Variants in AOAH observed in about 807,000 individuals in gnomAD.
AOAH encodes acyloxyacyl hydrolase.
In AOAH, 64 loss-of-function variants were observed where a neutral mutation model predicts 92.2. The ratio of observed to expected loss-of-function variants is 0.69; its 90% CI spans 0.57 to 0.86. AOAH has a LOEUF of 0.86. Among genes scored for constraint, AOAH ranks in the 40% least tolerant of loss-of-function variants. The probability of loss-of-function intolerance (pLI) is 0.00; values close to 1 mark genes in which losing one functional copy is unlikely to be tolerated. For missense variants in AOAH, 656 were observed against 694.6 expected (o/e 0.94, Z 0.62); for synonymous variants, 263 against 254.5 (o/e 1.03, Z -0.32).
At chr7:36,672,126 C>G (rs1409172516) in intron 3 of AOAH, among the ~76,000 whole-genome samples, 2 of 152,064 alleles carry the variant, frequency 1.3e-5, no homozygotes, top group Non-Finnish European at 2.9e-5. Flanking sequence ...AAACACAGCC[C>G]AGGGGTTATG....
intron 19 of AOAH, among the ~76,000 whole-genome samples, chr7:36,526,414 G>A (rs12701506): frequency 0.79 from 119,963 of 152,172 alleles, 52,335 homozygotes; most frequent in East Asian, 1. Context: ...ATGTCAAAGG[G>A]AAGATCCTTT....
chr7:36,528,751 A>C (rs1478877347), intron 19 of AOAH, among the ~76,000 whole-genome samples: 2 of 152,122 alleles, frequency 1.3e-5, no homozygotes, highest in Non-Finnish European at 2.9e-5. Flanking sequence ...ATGCACCACC[A>C]TGCCTGGCTA....
At chr7:36,561,390 G>A (rs1192534256) in intron 13 of AOAH, among the ~76,000 whole-genome samples, 1 of 152,164 alleles carries the variant, frequency 6.6e-6, no homozygotes, top group African/African-American at 2.4e-5. Context: ...CTCGAAAACA[G>A]GAAAAGCCAA....
chr7:36,540,333 C>T lies in AOAH; in HGVS notation c.1292G>A (p.Arg431Lys), dbSNP rs140099559. 1,734 of 1,612,732 alleles carry T rather than the reference C, an allele frequency of 1.1e-3. 2 individuals carry two copies. The highest frequency in any genetic ancestry group is 7.9e-3 in the Middle Eastern group (48 of 6,060). ...CAAACTGATACCGAGAGGATGATATCTGTTGTGCAAATTATCCCAGAGAAA... is the reference window on the plus strand; with the variant it reads ...CAAACTGATACCGAGAGGATGATATTTGTTGTGCAAATTATCCCAGAGAAA... The part of the protein sequence containing the change: ...GTFLWDNLHN[R>K]YHPLGQLNKD... The change falls in exon 16 of 21, where the codon AGA becomes AAA. Residue 431 changes from arginine (R) to lysine (K), a missense_variant. By Grantham distance (26) the Arg-to-Lys change is conservative. Coordinates refer to ENST00000617537, the MANE Select transcript of AOAH (RefSeq NM_001637.4).
chr7:36,709,868 A>G (rs1798651757), intron 1 of AOAH, among the ~76,000 whole-genome samples: 1 of 152,112 alleles, frequency 6.6e-6, no homozygotes, highest in South Asian at 2.1e-4. Flanking sequence ...ACAAACCCAA[A>G]CCACCAAAAA....
At chr7:36,638,728 G>A (rs574606437) in intron 4 of AOAH, among the ~76,000 whole-genome samples, 6 of 152,200 alleles carry the variant, frequency 3.9e-5, no homozygotes, top group Non-Finnish European at 8.8e-5. Flanking sequence ...CAGCCCTGAA[G>A]TAATCTGCTC....
In AOAH at chr7:36,530,499, A is replaced by T; in HGVS notation, c.1441T>A (p.Ser481Thr). 6.2e-7 allele frequency: 1 copy of T among 1,612,566 alleles called. No individual in the cohort carries two copies. Among genetic ancestry groups the T allele is most frequent in the Non-Finnish European group, 8.5e-7 (1 of 1,178,590 alleles). ...TLTSERAEQLSNTLKKIAASE... is the reference protein window; with the variant it reads ...TLTSERAEQLTNTLKKIAASE... ...GCTGCAATTTTTTTCAGTGTGTTGG[A>T]GAGTTGCTCTGCTCTCTGAAGAGAG... Residue 481 changes from serine (S) to threonine (T), a missense_variant, in exon 19 of 21, where the codon TCC becomes ACC. Transcript: ENST00000617537.
intron 2 of AOAH, among the ~76,000 whole-genome samples, chr7:36,674,294 T>C (rs754310538): frequency 3.3e-5 from 5 of 152,234 alleles, no homozygotes; most frequent in African/African-American, 7.2e-5. Context: ...TTCTTTCTTT[T>C]TTTTCTACAG....
At chr7:36,695,393 G>C (rs1219887053) in intron 1 of AOAH, among the ~76,000 whole-genome samples, 4 of 152,120 alleles carry the variant, frequency 2.6e-5, no homozygotes, top group African/African-American at 9.7e-5. Flanking sequence ...GGAACAACAT[G>C]AAATATGAAA....
In AOAH at chr7:36,665,404, C is replaced by T. The variant is rs1274035598; in HGVS notation, c.291-6139G>A. On this transcript the variant is annotated intron_variant, in intron 3 of 20. Transcript: ENST00000617537. Reference sequence around the variant, plus strand: ...ATTAACTTTGTGTCCTGCAACCTTGCTATAATTGCTTATTAGTTCTAGAAT... The same window carrying T: ...ATTAACTTTGTGTCCTGCAACCTTGTTATAATTGCTTATTAGTTCTAGAAT... Among the ~76,000 whole-genome samples the T allele has an allele frequency of 4.0e-5, 6 of 150,552 alleles. No homozygotes were observed. The East Asian group carries it at 1.2e-3, about 29-fold the overall frequency.
chr7:36,621,584 C>T, intron 8 of AOAH, 126 bp downstream of exon 8: 1 of 926,124 alleles, frequency 1.1e-6, no homozygotes, highest in East Asian at 2.4e-5. Flanking sequence ...AGCTTTACTT[C>T]AATCGGAACA....
intron 11 of AOAH, chr7:36,597,843 T>G (rs1790245350): frequency 6.6e-6 from 1 of 152,192 alleles, no homozygotes; most frequent in Non-Finnish European, 1.5e-5. Flanking sequence ...AGAAAGGGCT[T>G]TGCTCTAGAA....
At chr7:36,661,853 G>A (rs1478647385) in intron 3 of AOAH, among the ~76,000 whole-genome samples, 2 of 152,098 alleles carry the variant, frequency 1.3e-5, no homozygotes, top group African/African-American at 4.8e-5. Context: ...ATTGGGTTTG[G>A]TCTGCTCCAC....
chr7:36,573,256 G>T (rs1209518423), intron 13 of AOAH, among the ~76,000 whole-genome samples: 2 of 152,150 alleles, frequency 1.3e-5, no homozygotes, highest in Non-Finnish European at 2.9e-5. Flanking sequence ...TCCATGTGCT[G>T]GCTGCCTCCC....
At chr7:36,632,771 C>G (rs981073982) in intron 5 of AOAH, among the ~76,000 whole-genome samples, 2 of 152,212 alleles carry the variant, frequency 1.3e-5, no homozygotes, top group Non-Finnish European at 2.9e-5. Context: ...GGGAGAGAGA[C>G]ACTGGATTCC....
intron 12 of AOAH, among the ~76,000 whole-genome samples, chr7:36,589,440 ATGTCT>A (rs1178806685): frequency 6.6e-6 from 1 of 152,184 alleles, no homozygotes; most frequent in Non-Finnish European, 1.5e-5. Flanking sequence ...AAAGTTAGCC[ATGTCT>A]TGTCTTGAGG....
intron 20 of AOAH, chr7:36,514,522 C>T: frequency 6.5e-7 from 1 of 1,536,012 alleles, no homozygotes; most frequent in Non-Finnish European, 8.7e-7. Flanking sequence ...ATGATGTTAG[C>T]TGGGTCCATT....
intron 15 of AOAH, among the ~76,000 whole-genome samples, chr7:36,547,398 T>A (rs140907255): frequency 1.6e-3 from 244 of 152,352 alleles, no homozygotes; most frequent in Middle Eastern, 6.8e-3. Context: ...CTGAATTTTA[T>A]CTGTGCGGGC....
chr7:36,528,463 T>C (rs937872005), intron 19 of AOAH, among the ~76,000 whole-genome samples: 1 of 152,260 alleles, frequency 6.6e-6, no homozygotes, highest in African/African-American at 2.4e-5. Flanking sequence ...TCCACAGAGA[T>C]AAGGACTCTT....
Sources: allele counts gnomAD v4.1 joint callset (sites outside exome capture counted in the v4.1 genomes callset), GRCh38; gene constraint gnomAD v4.1.1; transcripts MANE v1.5; gene names NCBI Gene and HGNC (gene_info 2026-07-23, HGNC 2026-07-21).